Variants in CD80 observed in about 807,000 individuals in gnomAD.
CD80 encodes T-lymphocyte activation antigen CD80.
In CD80, 13 loss-of-function variants were observed where a neutral mutation model predicts 27.1. That is an observed-to-expected ratio of 0.48 (90% CI 0.31 to 0.76). CD80 has a LOEUF of 0.76. CD80 is among the 30% of genes least tolerant of loss of function. The pLI, the probability that CD80 is intolerant of heterozygous loss-of-function variation, is 0.04. For synonymous variants in CD80, 125 were observed against 125.5 expected, an observed-to-expected ratio of 1.00 and a Z score of 0.03; for missense variants, 277 against 347.9, an observed-to-expected ratio of 0.80 and a Z score of 1.62.
chr3:119,545,142 G>A (rs1370286710), intron 2 of CD80, among the ~76,000 whole-genome samples: 1 of 152,052 alleles, frequency 6.6e-6, no homozygotes, highest in Non-Finnish European at 1.5e-5. Context: ...TCAGGAGTTC[G>A]AGACCAGCCG....
chr3:119,546,411 A>G (rs1189848867), intron 2 of CD80, among the ~76,000 whole-genome samples: 1 of 152,100 alleles, frequency 6.6e-6, no homozygotes, highest in Non-Finnish European at 1.5e-5. Flanking sequence ...CAACAACCCC[A>G]CAAGATATGT....
At chr3:119,554,447 G>A (rs991307070) in intron 2 of CD80, among the ~76,000 whole-genome samples, 1 of 152,166 alleles carries the variant, frequency 6.6e-6, no homozygotes, top group Admixed American at 6.5e-5. Context: ...TGGTCCCTCT[G>A]AGGGCTGCCC....
rs1363677964 is a variant in CD80, at chr3:119,537,055, G to A, written c.700+82C>T. On this transcript the variant is annotated intron_variant, in intron 4 of 6. Coordinates refer to ENST00000264246, the MANE Select transcript of CD80 (RefSeq NM_005191.4). Reference sequence around the variant, plus strand: ...TGCCTAATGATGCATTTCTCAAAATGTATCCACATCATTAAATGACACGAC... The same window carrying A: ...TGCCTAATGATGCATTTCTCAAAATATATCCACATCATTAAATGACACGAC... 9.0e-6 allele frequency: 11 copies of A among 1,222,298 alleles called. No homozygotes were observed. In the Admixed American group the frequency reaches 1.6e-4, roughly 18 times the overall value. The allele number at this position is 1,222,298 out of a possible 1,614,324, so 75.7% of individuals were successfully genotyped here. A position where few individuals can be genotyped will look rare whatever the true frequency, so the allele number is the denominator to read the frequency against.
intron 5 of CD80, among the ~76,000 whole-genome samples, chr3:119,529,239 C>A (rs1368155349): frequency 6.6e-6 from 1 of 152,088 alleles, no homozygotes; most frequent in Non-Finnish European, 1.5e-5. Flanking sequence ...CATGAGCCAC[C>A]CCACCCAGCC....
chr3:119,557,428 G>C (rs2082270715), intron 2 of CD80, among the ~76,000 whole-genome samples: 1 of 152,134 alleles, frequency 6.6e-6, no homozygotes, highest in Non-Finnish European at 1.5e-5. Flanking sequence ...AGTTAACTTG[G>C]TTGCTAACTT....
chr3:119,544,970 C>G (rs923322432), intron 2 of CD80, 103 bp from the exon 3 acceptor site: 11 of 838,566 alleles, frequency 1.3e-5, no homozygotes, highest in African/African-American at 1.0e-4. Context: ...GGTGTTGTGT[C>G]TAGTGACTAA....
intron 2 of CD80, 124 bp downstream of exon 2, chr3:119,557,505 T>A (rs1028058282): frequency 3.5e-6 from 2 of 568,010 alleles, no homozygotes; most frequent in Non-Finnish European, 5.9e-6. Flanking sequence ...TAAAATCTTC[T>A]GAAAACACCC....
At chr3:119,553,635 C>T (rs771650628) in intron 2 of CD80, among the ~76,000 whole-genome samples, 3 of 152,132 alleles carry the variant, frequency 2.0e-5, no homozygotes, top group African/African-American at 7.2e-5. Context: ...AGGCTGCCCT[C>T]GCAGGGGTCT....
intron 2 of CD80, among the ~76,000 whole-genome samples, chr3:119,552,016 A>C (rs976164280): frequency 2.0e-5 from 3 of 152,244 alleles, no homozygotes; most frequent in Non-Finnish European, 4.4e-5. Context: ...TGGCGAATGC[A>C]TGGAAACTGC....
chr3:119,526,195 C>T (rs6810215), intron 6 of CD80, among the ~76,000 whole-genome samples: 16,030 of 152,052 alleles, frequency 0.11, 2,061 homozygotes, highest in African/African-American at 0.31. Context: ...ACATACAGTC[C>T]AGTAAAGGAT....
intron 5 of CD80, 23 bp downstream of exon 5, chr3:119,529,819 G>C (rs541432651): frequency 4.1e-6 from 6 of 1,463,398 alleles, no homozygotes; most frequent in Non-Finnish European, 5.8e-6. Context: ...TTGAGATCAG[G>C]ATGATGGTAT....
chr3:119,537,894 C>A (rs1320968016), intron 3 of CD80, among the ~76,000 whole-genome samples: 1 of 152,188 alleles, frequency 6.6e-6, no homozygotes, highest in Non-Finnish European at 1.5e-5. Flanking sequence ...CAAAGACTAA[C>A]TTTGATTTGA....
At position 119,537,234 on chromosome 3, in the gene CD80, G is replaced by A; in HGVS notation, c.603C>T (p.Ser201=). 6.2e-7 allele frequency: 1 copy of A among 1,614,076 alleles called. No individual in the cohort carries two copies. ...TTGTCATATTGAAATCCAGTTTGCTGCTAACAGCATAGAGCTCAGTTTCAG... is the reference window on the plus strand; with the variant it reads ...TTGTCATATTGAAATCCAGTTTGCTACTAACAGCATAGAGCTCAGTTTCAG... ...QDPETELYAV[S]SKLDFNMTTN... Residue 201 remains serine (S), a synonymous_variant, in exon 4 of 7, where the codon AGC becomes AGT. Transcript: ENST00000264246.
chr3:119,528,879 C>T (rs961574624), intron 5 of CD80, among the ~76,000 whole-genome samples: 10 of 144,182 alleles, frequency 6.9e-5, no homozygotes, highest in Non-Finnish European at 1.2e-4. Flanking sequence ...GAGCTGAGAT[C>T]GGGGCATACA....
chr3:119,543,224 C>T (rs569394527), intron 3 of CD80, among the ~76,000 whole-genome samples: 13 of 152,220 alleles, frequency 8.5e-5, no homozygotes, highest in Non-Finnish European at 1.5e-4. Context: ...GATGAATTGG[C>T]TCTATCTACG....
At chr3:119,546,374 G>C (rs1249901843) in intron 2 of CD80, among the ~76,000 whole-genome samples, 1 of 152,000 alleles carries the variant, frequency 6.6e-6, no homozygotes, top group East Asian at 1.9e-4. Context: ...TCTATGGAGG[G>C]GACAGGTGCT....
intron 3 of CD80, among the ~76,000 whole-genome samples, chr3:119,537,756 C>A (rs372181351): frequency 1.3e-5 from 2 of 152,174 alleles, no homozygotes; most frequent in African/African-American, 2.4e-5. Context: ...TAGCCGAGAT[C>A]GTACGACTTC....
At chr3:119,539,743 T>C (rs1264533257) in intron 3 of CD80, among the ~76,000 whole-genome samples, 2 of 152,226 alleles carry the variant, frequency 1.3e-5, no homozygotes, top group African/African-American at 4.8e-5. Flanking sequence ...TTCAATCTCC[T>C]CATAGAGTTA....
chr3:119,527,510 C>G, intron 6 of CD80: 1 of 467,050 alleles, frequency 2.1e-6, no homozygotes, highest in Non-Finnish European at 3.8e-6. Flanking sequence ...CAAGACAATT[C>G]AAGATGGCAG....
Sources: allele counts gnomAD v4.1 joint callset (sites outside exome capture counted in the v4.1 genomes callset), GRCh38; gene constraint gnomAD v4.1.1; transcripts MANE v1.5; gene names NCBI Gene and HGNC (gene_info 2026-07-23, HGNC 2026-07-21).